NEK1: variants seen among roughly 807,000 people sequenced by gnomAD.
The protein encoded by NEK1 is NIMA related kinase 1, also known as serine/threonine-protein kinase Nek1.
In NEK1, 137 loss-of-function variants were observed where a neutral mutation model predicts 182.1. The ratio of observed to expected loss-of-function variants is 0.75; its 90% CI spans 0.65 to 0.87. NEK1 has a LOEUF of 0.87. NEK1 is among the 40% of genes least tolerant of loss of function. NEK1 has a pLI of 0.00. For synonymous variants in NEK1, 513 were observed against 492.2 expected (o/e 1.04, Z -0.56); for missense variants, 1,391 against 1,494.4 (o/e 0.93, Z 1.14).
chr4:169,601,144 A>T (rs1355860502), intron 4 of NEK1, among the ~76,000 whole-genome samples: 1 of 152,208 alleles, frequency 6.6e-6, no homozygotes, highest in Non-Finnish European at 1.5e-5. Context: ...GACATAATGT[A>T]TTAATTGAAT....
At chr4:169,447,458 A>C (rs1230863109) in intron 27 of NEK1, among the ~76,000 whole-genome samples, 1 of 152,228 alleles carries the variant, frequency 6.6e-6, no homozygotes, top group Non-Finnish European at 1.5e-5. Context: ...GTAATAAGAA[A>C]TCATCTGAAG....
intron 35 of NEK1, among the ~76,000 whole-genome samples, chr4:169,397,660 AAAATCTG>A (rs1319867185): frequency 7.9e-5 from 12 of 152,290 alleles, no homozygotes; most frequent in Admixed American, 7.8e-4. Context: ...TGTACTAGAG[AAAATCTG>A]ATATTGCTTC....
intron 12 of NEK1, among the ~76,000 whole-genome samples, chr4:169,569,452 C>G (rs938280997): frequency 7.6e-6 from 1 of 131,932 alleles, no homozygotes; most frequent in Admixed American, 7.1e-5. Context: ...CTCTCCCTCC[C>G]TCCCTCTCTC....
At chr4:169,414,207 A>C (rs1734140599) in intron 31 of NEK1, among the ~76,000 whole-genome samples, 1 of 152,186 alleles carries the variant, frequency 6.6e-6, no homozygotes, top group Admixed American at 6.5e-5. Flanking sequence ...TGAACAATGC[A>C]AGGCTGTTTT....
chr4:169,572,817 T>G (rs973900733), intron 12 of NEK1, among the ~76,000 whole-genome samples: 8 of 152,102 alleles, frequency 5.3e-5, no homozygotes, highest in South Asian at 2.1e-4. Context: ...ACCCATGGAT[T>G]TAATAATATA....
intron 29 of NEK1, among the ~76,000 whole-genome samples, chr4:169,428,277 C>A (rs1040918923): frequency 9.4e-5 from 14 of 149,118 alleles, no homozygotes; most frequent in African/African-American, 2.9e-4. Context: ...ATGTTCTTTG[C>A]AGCACTCTTC....
chr4:169,447,868 C>G (rs1561204229), intron 27 of NEK1, among the ~76,000 whole-genome samples: 2 of 151,738 alleles, frequency 1.3e-5, no homozygotes, highest in Non-Finnish European at 2.9e-5. Context: ...GACTCTGTCT[C>G]AAAAAATAAA....
At position 169,588,678 on chromosome 4, in the gene NEK1, G is replaced by A; in HGVS notation, c.522C>T (p.Ile174=). The A allele has an allele frequency of 1.9e-6, 3 of 1,548,512 alleles. No homozygotes were observed. Among genetic ancestry groups the A allele is most frequent in the East Asian group, 4.9e-5 (2 of 40,892 alleles). The part of the protein sequence containing the change: ...IGTPYYLSPE[I]CENKPYNNKS... ...TATTATTGTAAGGTTTGTTTTCACAGATTTCAGGTGACAAGTAGTATGGGG... is the reference window on the plus strand; with the variant it reads ...TATTATTGTAAGGTTTGTTTTCACAAATTTCAGGTGACAAGTAGTATGGGG... Residue 174 remains isoleucine, a synonymous_variant, in exon 8 of 36, where the codon ATC becomes ATT. Transcript: ENST00000507142.
At position 169,589,519 on chromosome 4, in the gene NEK1, A is replaced by G. The variant is rs779517718; in HGVS notation, c.397-5T>C. On this transcript the variant is annotated splice_region_variant and splice_polypyrimidine_tract_variant and intron_variant, in intron 6 of 35. Coordinates refer to ENST00000507142, the MANE Select transcript of NEK1 (RefSeq NM_001199397.3). Reference sequence around the variant, plus strand: ...ATCTTTAGTTAAAAATATGTTCTGTAAAAGACAGGAAAAAAAAAAACCCTA... The same window carrying G: ...ATCTTTAGTTAAAAATATGTTCTGTGAAAGACAGGAAAAAAAAAAACCCTA... 6.9e-6 allele frequency: 10 copies of G among 1,442,876 alleles called. No individual in the cohort carries two copies. Among genetic ancestry groups the G allele is most frequent in the African/African-American group, 1.4e-5 (1 of 69,334 alleles). 89.4% of individuals were successfully genotyped at this position (1,442,876 alleles called of 1,614,324 possible).
rs61096140 is a variant in NEK1, at chr4:169,410,195, A to AT, written c.3223-3449dup. ...ACTGGCTGAGATCTTCATGTACAGT[A>AT]TTTTTTTTTTCAAGATTGTTACATG... On this transcript the variant is annotated intron_variant, in intron 31 of 35. Transcript: ENST00000507142. Among the ~76,000 whole-genome samples, 637 of 150,370 alleles carry AT rather than the reference A, an allele frequency of 4.2e-3. 4 individuals carry two copies. Among genetic ancestry groups the AT allele is most frequent in the South Asian group, 0.029 (139 of 4,728 alleles).
In NEK1 at chr4:169,468,363, G is replaced by A. The variant is rs537940114; in HGVS notation, c.2435-4968C>T. The stretch of plus-strand genomic sequence containing the variant: ...ATTAGGCAGGGGCAAACTTTCTGGG[G>A]TGATGTTAATGTTCTGTATCTTGAT... On this transcript the variant is annotated intron_variant, in intron 26 of 35. Transcript: ENST00000507142. Among the ~76,000 whole-genome samples, 4 of 152,234 alleles carry A rather than the reference G, an allele frequency of 2.6e-5. No individual in the cohort carries two copies. The East Asian group carries it at 5.8e-4, about 22-fold the overall frequency.
At chr4:169,453,233 C>T (rs1257557343) in intron 27 of NEK1, among the ~76,000 whole-genome samples, 3 of 152,196 alleles carry the variant, frequency 2.0e-5, no homozygotes, top group Non-Finnish European at 2.9e-5. Flanking sequence ...AATGGACACA[C>T]TGCCCAAAGT....
chr4:169,472,184 A>C lies in NEK1; in HGVS notation c.2434+4940T>G, dbSNP rs565715104. Among the ~76,000 whole-genome samples the C allele has an allele frequency of 3.5e-4, 53 of 152,052 alleles. No individual in the cohort carries two copies. The South Asian group carries it at 4.0e-3, about 11-fold the overall frequency. On this transcript the variant is annotated intron_variant, in intron 26 of 35. Coordinates refer to ENST00000507142, the MANE Select transcript of NEK1 (RefSeq NM_001199397.3). ...CAAAAAACAAAAAAAACAAAAAAAA[A>C]CAAAAAACTCCTGCAGCCAGCTCGG...
chr4:169,580,425 A>T (rs2150049814), intron 11 of NEK1, among the ~76,000 whole-genome samples: 1 of 147,362 alleles, frequency 6.8e-6, no homozygotes, highest in Middle Eastern at 3.5e-3. Context: ...TGAACCTGGG[A>T]AGCGGAGGTT....
At position 169,491,162 on chromosome 4, in the gene NEK1, A is replaced by AGAG. The variant is rs34050308; in HGVS notation, c.2008-11629_2008-11628insCTC. Among the ~76,000 whole-genome samples, 46 of 122,918 alleles carry AGAG rather than the reference A, an allele frequency of 3.7e-4. 2 individuals carry two copies. Among genetic ancestry groups the AGAG allele is most frequent in the African/African-American group, 6.4e-4 (20 of 31,336 alleles). 80.6% of individuals were successfully genotyped at this position (122,918 alleles called of 152,430 possible). On this transcript the variant is annotated intron_variant, in intron 23 of 35. Transcript: ENST00000507142. ...AAAAAAAAAAAAAAAAAAAAAAAAA[A>AGAG]AGAGAGATGGAGAAAGGCACAGAAG...
chr4:169,508,700 G>A (rs1753712292), intron 20 of NEK1, 69 bp downstream of exon 20: 2 of 1,164,930 alleles, frequency 1.7e-6, no homozygotes, highest in Admixed American at 2.5e-5. Context: ...TTTAAACCAT[G>A]CAAGAAAAGA....
intron 12 of NEK1, among the ~76,000 whole-genome samples, chr4:169,576,400 AT>A (rs1343396338): frequency 2.6e-5 from 4 of 152,252 alleles, no homozygotes; most frequent in Non-Finnish European, 5.9e-5. Context: ...AACAAGCTCC[AT>A]ATACCAAAGC....
chr4:169,508,077 T>C (rs1318086121), intron 21 of NEK1, among the ~76,000 whole-genome samples, 171 bp downstream of exon 21: 1 of 152,220 alleles, frequency 6.6e-6, no homozygotes, highest in East Asian at 1.9e-4. Flanking sequence ...TCTTATCAAT[T>C]TAAAATCACA....
At chr4:169,498,543 T>C (rs906182091) in intron 23 of NEK1, among the ~76,000 whole-genome samples, 2 of 152,212 alleles carry the variant, frequency 1.3e-5, no homozygotes, top group African/African-American at 2.4e-5. Flanking sequence ...TGGCTGGTAC[T>C]GGTTGTTCCT....
Sources: gnomAD v4.1 joint callset for allele counts (sites outside exome capture counted in the v4.1 genomes callset) on GRCh38, gnomAD v4.1.1 for gene constraint, MANE v1.5 for transcripts, NCBI Gene and HGNC (gene_info 2026-07-23, HGNC 2026-07-21) for gene names.